Variants in ZNF487 observed in about 807,000 individuals in gnomAD.
ZNF487 encodes the protein zinc finger protein 487.
ZNF487 carries 4 observed loss-of-function variants against 3.0 expected under a neutral mutation model. The ratio of observed to expected loss-of-function variants is 1.35; its 90% CI spans 0.66 to 3.08. The LOEUF (loss-of-function observed/expected upper bound fraction) is 3.08, where lower values mean the gene tolerates loss of function less well. ZNF487 is among the 30% of genes most tolerant of loss of function. The pLI, the probability that ZNF487 is intolerant of heterozygous loss-of-function variation, is 0.01. For synonymous variants in ZNF487, 55 were observed against 34.6 expected (o/e 1.59, Z -2.06); for missense variants, 146 against 98.7 (o/e 1.48, Z -2.03).
At chr10:43,450,268 G>A (rs1396307436) in intron 1 of ZNF487, among the ~76,000 whole-genome samples, 8 of 151,818 alleles carry the variant, frequency 5.3e-5, no homozygotes, top group African/African-American at 1.9e-4. Context: ...GTTTGGTCTC[G>A]AACTCCCAAC....
intron 1 of ZNF487, among the ~76,000 whole-genome samples, chr10:43,443,024 T>G (rs964683644): frequency 6.6e-6 from 1 of 152,026 alleles, no homozygotes; most frequent in Non-Finnish European, 1.5e-5. Context: ...TTAGTTGAGC[T>G]TATGTTCTAT....
chr10:43,501,163 T>C, the ZNF487 span, among the ~76,000 whole-genome samples: 1 of 152,176 alleles, frequency 6.6e-6, no homozygotes, highest in Non-Finnish European at 1.5e-5. Context: ...TGGTAAGTAT[T>C]TATATATGTA....
chr10:43,465,022 A>C (rs7911915), intron 1 of ZNF487, among the ~76,000 whole-genome samples: 3,920 of 132,870 alleles, frequency 0.03, 87 homozygotes, highest in South Asian at 0.043. Flanking sequence ...TCCCTCCCGG[A>C]CGGGGCGGCT....
intron 1 of ZNF487, among the ~76,000 whole-genome samples, chr10:43,474,334 A>T (rs1427105386): frequency 6.7e-6 from 1 of 150,190 alleles, no homozygotes. Flanking sequence ...CGCCCCTGTA[A>T]CCCCAGCTAC....
intron 1 of ZNF487, among the ~76,000 whole-genome samples, chr10:43,474,160 C>CA (rs111998607): frequency 0.46 from 65,557 of 142,456 alleles, 16,580 homozygotes; most frequent in East Asian, 0.73. Flanking sequence ...GACCGTGTTT[C>CA]AAAAAAAAAA....
At chr10:43,451,473 G>A (rs537313267) in intron 1 of ZNF487, among the ~76,000 whole-genome samples, 31 of 151,428 alleles carry the variant, frequency 2.0e-4, no homozygotes, top group African/African-American at 6.8e-4. Flanking sequence ...TCGAAGTCCT[G>A]ATCTCAGGTG....
rs901174207 is a variant in ZNF487, at chr10:43,445,643, T to TC, written c.-94+8381_-94+8382insC. 1.1e-3 allele frequency among the ~76,000 whole-genome samples: 167 copies of TC among 152,180 alleles called. 1 individual carries two copies. Among genetic ancestry groups the TC allele is most frequent in the Middle Eastern group, 3.4e-3 (1 of 294 alleles). On this transcript the variant is annotated intron_variant, in intron 1 of 3. Transcript: ENST00000437590. ...CCATGAATTATGACATTTTCTTTTTTTTTTTTTGATCCTCAAAAATTTTAT... is the reference window on the plus strand; with the variant it reads ...CCATGAATTATGACATTTTCTTTTTTCTTTTTTTGATCCTCAAAAATTTTAT...
intron 1 of ZNF487, among the ~76,000 whole-genome samples, chr10:43,439,586 C>T (rs1259065402): frequency 6.6e-6 from 1 of 151,772 alleles, no homozygotes; most frequent in Non-Finnish European, 1.5e-5. Flanking sequence ...GCCTGTAATC[C>T]CAACTACTCA....
In ZNF487 at chr10:43,469,342, G is replaced by A. The variant is rs571506677; in HGVS notation, c.-93-6379G>A. Among the ~76,000 whole-genome samples, 132 of 151,906 alleles carry A rather than the reference G, an allele frequency of 8.7e-4. 1 individual carries two copies. The highest frequency in any genetic ancestry group is 1.4e-3 in the Non-Finnish European group (97 of 67,974). ...CTCCTGAGCACCTGGGACTACAGGC[G>A]TGCACCACACCCGGCTAATTTTTGT... On this transcript the variant is annotated intron_variant, in intron 1 of 3. Transcript: ENST00000437590.
downstream of ZNF487, among the ~76,000 whole-genome samples, chr10:43,486,391 T>C (rs1841472206): frequency 6.6e-6 from 1 of 152,068 alleles, no homozygotes; most frequent in Non-Finnish European, 1.5e-5. Context: ...CCTGGCTTGG[T>C]GGTGCATGCT....
chr10:43,484,325 G>A (rs1289604532), downstream of ZNF487, among the ~76,000 whole-genome samples: 1 of 151,968 alleles, frequency 6.6e-6, no homozygotes, highest in African/African-American at 2.4e-5. Context: ...TAAGAATTTG[G>A]TCCAGGCGCG....
chr10:43,470,472 C>A, intron 1 of ZNF487, among the ~76,000 whole-genome samples: 1 of 152,222 alleles, frequency 6.6e-6, no homozygotes, highest in South Asian at 2.1e-4. Context: ...CAACCTCCAC[C>A]TCCCAGGTTC....
rs1210198516 is a variant in ZNF487 at position 43,437,115 on chromosome 10, A to G, written c.-241A>G. The G allele has an allele frequency of 3.3e-6, 1 of 303,670 alleles. No homozygotes were observed. The highest frequency in any genetic ancestry group is 6.4e-6 in the Non-Finnish European group (1 of 155,226). 18.8% of individuals were successfully genotyped at this position (303,670 alleles called of 1,614,324 possible). On this transcript the variant is annotated 5_prime_UTR_variant, in exon 1 of 4. Coordinates refer to ENST00000437590, the MANE Select transcript of ZNF487 (RefSeq NM_001355444.3). Reference sequence around the variant, plus strand: ...CGCCCCTCGGCGGCCCCGCCCAGGGAGCGCTGCGGCAGTTTCCATGGTGAG... The same window carrying G: ...CGCCCCTCGGCGGCCCCGCCCAGGGGGCGCTGCGGCAGTTTCCATGGTGAG...
chr10:43,504,053 T>C, the ZNF487 span, among the ~76,000 whole-genome samples: 9 of 152,182 alleles, frequency 5.9e-5, no homozygotes, highest in Non-Finnish European at 1.3e-4. Flanking sequence ...GGCCGTATCA[T>C]ATAGCCTAGG....
chr10:43,498,093 A>ATTTTTTTT, the ZNF487 span, among the ~76,000 whole-genome samples: 1 of 13,268 alleles, frequency 7.5e-5, no homozygotes, highest in Non-Finnish European at 1.4e-4. Context: ...ATATATATAT[A>ATTTTTTTT]TATATATTTT....
intron 1 of ZNF487, among the ~76,000 whole-genome samples, chr10:43,475,510 G>A (rs1385620878): frequency 9.3e-5 from 14 of 149,748 alleles, no homozygotes; most frequent in African/African-American, 2.5e-4. Context: ...GCAAGACCCC[G>A]TCTGAAAAAA....
At chr10:43,495,533 C>A in the ZNF487 span, among the ~76,000 whole-genome samples, 1 of 152,076 alleles carries the variant, frequency 6.6e-6, no homozygotes, top group Non-Finnish European at 1.5e-5. Flanking sequence ...TGTGAGCCAC[C>A]GCACCCAGCC....
chr10:43,445,476 A>G (rs1293973825), intron 1 of ZNF487, among the ~76,000 whole-genome samples: 1 of 152,084 alleles, frequency 6.6e-6, no homozygotes, highest in African/African-American at 2.4e-5. Context: ...TCTGGGATAT[A>G]GTTAAGTTAC....
chr10:43,522,460 G>A, the ZNF487 span, among the ~76,000 whole-genome samples: 14 of 152,074 alleles, frequency 9.2e-5, no homozygotes, highest in Non-Finnish European at 2.1e-4. Flanking sequence ...ACCTTAGGGT[G>A]CGGTGGCTCA....
Sources: allele counts gnomAD v4.1 joint callset (sites outside exome capture counted in the v4.1 genomes callset), GRCh38; gene constraint gnomAD v4.1.1; transcripts MANE v1.5; gene names NCBI Gene and HGNC (gene_info 2026-07-23, HGNC 2026-07-21).